Variants in KCNIP4 observed in about 807,000 individuals in gnomAD.
KCNIP4 encodes the protein Kv channel-interacting protein 4.
In KCNIP4, 12 loss-of-function variants were observed where a neutral mutation model predicts 34.0. That is an observed-to-expected ratio of 0.35 (90% CI 0.23 to 0.57). The LOEUF is 0.57. Ranked by LOEUF, KCNIP4 falls within the 20% of genes least tolerant of loss-of-function variation. The pLI, the probability that KCNIP4 is intolerant of heterozygous loss-of-function variation, is 0.83. For missense variants in KCNIP4, 238 were observed against 311.7 expected, an observed-to-expected ratio of 0.76 and a Z score of 1.78; for synonymous variants, 124 against 102.2, an observed-to-expected ratio of 1.21 and a Z score of -1.29.
At chr4:21,011,534 A>T (rs968223800) in intron 1 of KCNIP4, among the ~76,000 whole-genome samples, 1 of 152,226 alleles carries the variant, frequency 6.6e-6, no homozygotes, top group African/African-American at 2.4e-5. Context: ...TGGACTATAA[A>T]TGATTACGTA....
chr4:21,732,699 A>G (rs952187853), intron 1 of KCNIP4, among the ~76,000 whole-genome samples: 3 of 152,062 alleles, frequency 2.0e-5, no homozygotes, highest in African/African-American at 7.2e-5. Flanking sequence ...TGCCTCAGCT[A>G]TGACTGCCTC....
chr4:21,252,188 C>T (rs1159738351), intron 1 of KCNIP4, among the ~76,000 whole-genome samples: 4 of 144,350 alleles, frequency 2.8e-5, no homozygotes, highest in East Asian at 2.1e-4. Flanking sequence ...AGTGCAGTGG[C>T]GCAATCTCGG....
At chr4:21,221,332 A>G (rs957133946) in intron 1 of KCNIP4, among the ~76,000 whole-genome samples, 3 of 152,182 alleles carry the variant, frequency 2.0e-5, no homozygotes, top group Admixed American at 1.3e-4. Context: ...TCATACTGCT[A>G]TAAATAACTG....
At chr4:20,854,787 C>T (rs538489847) in intron 2 of KCNIP4, among the ~76,000 whole-genome samples, 53 of 152,230 alleles carry the variant, frequency 3.5e-4, no homozygotes, top group African/African-American at 1.2e-3. Flanking sequence ...TGGGTACATA[C>T]TGGATGGTTG....
At chr4:21,535,017 C>G (rs1051157925) in intron 1 of KCNIP4, among the ~76,000 whole-genome samples, 10 of 152,026 alleles carry the variant, frequency 6.6e-5, no homozygotes, top group Admixed American at 5.9e-4. Flanking sequence ...CCATTTTTTC[C>G]ATTCGCTCCA....
chr4:20,797,464 T>C (rs966859366), intron 3 of KCNIP4, among the ~76,000 whole-genome samples: 7 of 152,198 alleles, frequency 4.6e-5, no homozygotes, highest in African/African-American at 1.2e-4. Flanking sequence ...CTGGTGTGTA[T>C]GCCCTGCATA....
intron 1 of KCNIP4, among the ~76,000 whole-genome samples, chr4:21,694,948 A>AAAC (rs1712141911): frequency 1.5e-5 from 2 of 134,442 alleles, no homozygotes; most frequent in African/African-American, 5.1e-5. Flanking sequence ...AAATAAATAA[A>AAAC]TAAAGGGCTT....
intron 1 of KCNIP4, among the ~76,000 whole-genome samples, chr4:21,381,171 T>A (rs2109475985): frequency 6.6e-6 from 1 of 152,322 alleles, no homozygotes; most frequent in African/African-American, 2.4e-5. Flanking sequence ...CGAGATGTCA[T>A]TTCTTCCAGT....
intron 1 of KCNIP4, among the ~76,000 whole-genome samples, chr4:21,430,150 G>T (rs1726307660): frequency 6.6e-6 from 1 of 151,940 alleles, no homozygotes; most frequent in Non-Finnish European, 1.5e-5. Flanking sequence ...TTTTTATCTA[G>T]TACAATTTAT....
At position 21,151,405 on chromosome 4, in the gene KCNIP4, A is replaced by ATTTTTTTTTTTTTTTT. The variant is rs1491541435; in HGVS notation, c.62-268697_62-268696insAAAAAAAAAAAAAAAA. 2.9e-4 allele frequency among the ~76,000 whole-genome samples: 27 copies of ATTTTTTTTTTTTTTTT among 93,512 alleles called. 8 individuals are homozygous for ATTTTTTTTTTTTTTTT. The highest frequency in any genetic ancestry group is 5.7e-4 in the African/African-American group (14 of 24,702). 61.3% of individuals were successfully genotyped at this position (93,512 alleles called of 152,430 possible). On this transcript the variant is annotated intron_variant, in intron 1 of 8. Coordinates refer to ENST00000382152, the MANE Select transcript of KCNIP4 (RefSeq NM_025221.6). ...AGAATGGATGTCTTCAACAAAAGAC[A>ATTTTTTTTTTTTTTTT]ATTTTTTTTTTTTTTTTTTTTTTTT...
intron 1 of KCNIP4, among the ~76,000 whole-genome samples, chr4:21,455,396 C>T (rs957548426): frequency 2.0e-5 from 3 of 151,964 alleles, no homozygotes; most frequent in African/African-American, 2.4e-5. Flanking sequence ...TTCCTGAATG[C>T]ACCCAGGGAT....
intron 2 of KCNIP4, 127 bp downstream of exon 2, chr4:20,882,481 A>G: frequency 1.5e-6 from 1 of 681,666 alleles, no homozygotes; most frequent in Non-Finnish European, 2.5e-6. Context: ...TTAGGTAAAC[A>G]TGAGTACATC....
intron 1 of KCNIP4, among the ~76,000 whole-genome samples, chr4:21,589,310 A>G (rs1283358892): frequency 6.9e-6 from 1 of 145,958 alleles, no homozygotes; most frequent in Non-Finnish European, 1.5e-5. Context: ...AGATACATAT[A>G]TACATGTACA....
At chr4:21,844,520 C>G (rs1235698738) in intron 1 of KCNIP4, 1 of 152,032 alleles carries the variant, frequency 6.6e-6, no homozygotes, top group Non-Finnish European at 1.5e-5. Context: ...TATGTCCACA[C>G]CAGAACTGCA....
chr4:21,007,670 C>G (rs894090182), intron 1 of KCNIP4, among the ~76,000 whole-genome samples: 3 of 152,150 alleles, frequency 2.0e-5, no homozygotes, highest in African/African-American at 7.2e-5. Context: ...GCTCTGAAGT[C>G]TAATGGTGAG....
In KCNIP4 at chr4:21,008,767, G is replaced by A. The variant is rs531144856; in HGVS notation, c.62-126058C>T. Among the ~76,000 whole-genome samples the A allele has an allele frequency of 2.0e-5, 3 of 151,822 alleles. No homozygotes were observed. The South Asian group carries it at 6.2e-4, about 32-fold the overall frequency. On this transcript the variant is annotated intron_variant, in intron 1 of 8. Transcript: ENST00000382152. The stretch of plus-strand genomic sequence containing the variant: ...TCTCGATCTCCTGATCTGGTGATCC[G>A]CCCGCCTCGGCCTCCCAGAGTGCTA...
chr4:21,622,633 C>A (rs1046345891), intron 1 of KCNIP4, among the ~76,000 whole-genome samples: 1 of 152,068 alleles, frequency 6.6e-6, no homozygotes, highest in African/African-American at 2.4e-5. Context: ...TAAAGAAAGA[C>A]ATATTTTAAT....
intron 1 of KCNIP4, among the ~76,000 whole-genome samples, chr4:21,573,476 T>C (rs1242270104): frequency 6.6e-6 from 1 of 152,170 alleles, no homozygotes; most frequent in Non-Finnish European, 1.5e-5. Flanking sequence ...TTTCTAGTTT[T>C]ACCCTTATTA....
chr4:21,034,202 G>C (rs1393322543), intron 1 of KCNIP4, among the ~76,000 whole-genome samples: 1 of 152,118 alleles, frequency 6.6e-6, no homozygotes, highest in Non-Finnish European at 1.5e-5. Flanking sequence ...ACTTATAGAA[G>C]AGTTCCTTCC....
Sources: allele counts gnomAD v4.1 joint callset (sites outside exome capture counted in the v4.1 genomes callset), GRCh38; gene constraint gnomAD v4.1.1; transcripts MANE v1.5; gene names NCBI Gene and HGNC (gene_info 2026-07-23, HGNC 2026-07-21).